Variants in ITGB8 observed in about 807,000 individuals in gnomAD.
ITGB8 encodes integrin subunit beta 8, also known as integrin beta-8.
Under a neutral mutation model 89.5 loss-of-function variants are expected in ITGB8, and 30 were observed. The ratio of observed to expected loss-of-function variants is 0.34; its 90% CI spans 0.25 to 0.45. The LOEUF (loss-of-function observed/expected upper bound fraction) is 0.45, where lower values mean the gene tolerates loss of function less well. Ranked by LOEUF, ITGB8 falls within the 20% of genes least tolerant of loss-of-function variation. The probability of loss-of-function intolerance (pLI) is 1.00; values close to 1 mark genes in which losing one functional copy is unlikely to be tolerated. For missense variants in ITGB8, 836 were observed against 933.3 expected (o/e 0.90, Z 1.36); for synonymous variants, 335 against 320.4 (o/e 1.05, Z -0.49).
chr7:20,368,046 A>G (rs762322513), intron 3 of ITGB8, among the ~76,000 whole-genome samples: 6 of 152,120 alleles, frequency 3.9e-5, no homozygotes, highest in Admixed American at 6.5e-5. Flanking sequence ...TTAAATAACC[A>G]TTCTTGACAC....
At chr7:20,408,919 G>C (rs1356275162) in intron 12 of ITGB8, among the ~76,000 whole-genome samples, 1 of 152,070 alleles carries the variant, frequency 6.6e-6, no homozygotes, top group African/African-American at 2.4e-5. Context: ...TGCATGTTTA[G>C]AGGCAAATGG....
intron 2 of ITGB8, chr7:20,364,780 T>C (rs1233602547): frequency 6.6e-6 from 1 of 152,298 alleles, no homozygotes; most frequent in Non-Finnish European, 1.5e-5. Flanking sequence ...CACTTTATTC[T>C]AGCATCTCCC....
rs1562668579 is a variant in ITGB8 at position 20,363,629 on chromosome 7, CATTG to C, written c.128-7_128-4del. On this transcript the variant is annotated splice_polypyrimidine_tract_variant and splice_region_variant and intron_variant, in intron 1 of 13. Coordinates refer to ENST00000222573, the MANE Select transcript of ITGB8 (RefSeq NM_002214.3). Reference sequence around the variant, plus strand: ...AGTAAATTATAACTGTTTTCTCCTTCATTGCAGAAGACAATAGATGTGCATCTTC... The same window carrying C: ...AGTAAATTATAACTGTTTTCTCCTTCCAGAAGACAATAGATGTGCATCTTC... 1 of 1,540,424 alleles carries C rather than the reference CATTG, an allele frequency of 6.5e-7. No homozygotes were observed. The highest frequency in any genetic ancestry group is 8.8e-7 in the Non-Finnish European group (1 of 1,139,516).
chr7:20,371,305 C>T (rs1785926577), intron 3 of ITGB8, among the ~76,000 whole-genome samples: 2 of 152,024 alleles, frequency 1.3e-5, no homozygotes, highest in South Asian at 2.1e-4. Context: ...GAGTTATAAA[C>T]ATTTTGAAAA....
At chr7:20,391,313 G>T in intron 6 of ITGB8, 90 bp from the exon 7 acceptor site, 1 of 565,766 alleles carries the variant, frequency 1.8e-6, no homozygotes. Context: ...ACATTTTTAT[G>T]TAAGTCATAC....
chr7:20,359,898 C>T (rs1340293563), intron 1 of ITGB8, among the ~76,000 whole-genome samples: 1 of 152,144 alleles, frequency 6.6e-6, no homozygotes, highest in Non-Finnish European at 1.5e-5. Flanking sequence ...AACCATGACA[C>T]TCTCCAGAAA....
Position 20,412,413 on chromosome 7 carries a change from T to C in ITGB8, c.*2416T>C, listed in dbSNP as rs1285051825. 6.6e-6 allele frequency: 1 copy of C among 152,524 alleles called. No individual in the cohort carries two copies. 9.4% of individuals were successfully genotyped at this position (152,524 alleles called of 1,614,324 possible). A position where few individuals can be genotyped will look rare whatever the true frequency, so the allele number is the denominator to read the frequency against. On this transcript the variant is annotated 3_prime_UTR_variant, in exon 14 of 14. Coordinates refer to ENST00000222573, the MANE Select transcript of ITGB8 (RefSeq NM_002214.3). ...CCCTCCAAAAGAAAAAAGTGTAAGA[T>C]AGCCATTAAGATGATGACAATTTTT...
Position 20,401,747 on chromosome 7 carries a change from GA to G in ITGB8, c.1314del (p.Lys438AsnfsTer12). On this transcript the variant is annotated frameshift_variant, in exon 10 of 14. Transcript: ENST00000222573. LOFTEE classifies it high-confidence loss of function. ...EVLFNVTVTM[K>X]KCDVTGGKNY... ...TTCTTTTCAATGTAACAGTTACAATGAAAAAATGTGATGTCACAGGAGGAAA... is the reference window on the plus strand; with the variant it reads ...TTCTTTTCAATGTAACAGTTACAATGAAAAATGTGATGTCACAGGAGGAAA... The G allele has an allele frequency of 6.4e-7, 1 of 1,572,500 alleles. No homozygotes were observed. The highest frequency in any genetic ancestry group is 2.2e-5 in the East Asian group (1 of 44,568).
At chr7:20,353,888 C>T (rs898379937) in intron 1 of ITGB8, among the ~76,000 whole-genome samples, 10 of 132,560 alleles carry the variant, frequency 7.5e-5, no homozygotes, top group Admixed American at 3.4e-4. Flanking sequence ...GCCGAGATCG[C>T]GCCACTGCAC....
chr7:20,350,526 A>G (rs1051443983), intron 1 of ITGB8, among the ~76,000 whole-genome samples: 8 of 152,230 alleles, frequency 5.3e-5, no homozygotes, highest in African/African-American at 1.9e-4. Context: ...AGAACTGTAC[A>G]TGCTATAAAG....
At chr7:20,390,392 A>G (rs1376408873) in intron 6 of ITGB8, among the ~76,000 whole-genome samples, 2 of 152,110 alleles carry the variant, frequency 1.3e-5, no homozygotes, top group African/African-American at 2.4e-5. Context: ...GAGTATTTAT[A>G]GAAAAAATAT....
intron 1 of ITGB8, among the ~76,000 whole-genome samples, chr7:20,335,516 T>A (rs1201889719): frequency 7.1e-6 from 1 of 140,308 alleles, no homozygotes; most frequent in Non-Finnish European, 1.7e-5. Context: ...GTTTCAAGGA[T>A]CTGCCTGCCC....
intron 8 of ITGB8, among the ~76,000 whole-genome samples, chr7:20,396,377 G>A (rs900368649): frequency 4.6e-5 from 7 of 151,478 alleles, no homozygotes; most frequent in Non-Finnish European, 7.4e-5. Context: ...AGCTTGCAAT[G>A]AGCCGAGATT....
rs1178238036 is a variant in ITGB8 at position 20,381,680 on chromosome 7, C to A, written c.802-47C>A. 4.1e-6 allele frequency: 6 copies of A among 1,450,934 alleles called. No individual in the cohort carries two copies. The African/African-American group carries it at 8.5e-5, about 21-fold the overall frequency. 89.9% of individuals were successfully genotyped at this position (1,450,934 alleles called of 1,614,324 possible). On this transcript the variant is annotated intron_variant, in intron 5 of 13. Transcript: ENST00000222573. ...TTTACTTGAGGTAAAAACCACAGTA[C>A]ACATCTGTGTTATTGTACAAAGTCT... is the stretch of plus-strand genomic sequence containing the variant.
chr7:20,352,750 C>T (rs1229303015), intron 1 of ITGB8: 3 of 152,126 alleles, frequency 2.0e-5, no homozygotes, highest in East Asian at 1.9e-4. Flanking sequence ...TCAACAACAC[C>T]AGAATACTCT....
chr7:20,335,518 T>TGCC (rs34880165), intron 1 of ITGB8, among the ~76,000 whole-genome samples: 34,808 of 152,100 alleles, frequency 0.23, 4,964 homozygotes, highest in Non-Finnish European at 0.32. Context: ...TTCAAGGATC[T>TGCC]GCCTGCCCTT....
chr7:20,403,854 G>A (rs192160903), intron 10 of ITGB8, among the ~76,000 whole-genome samples: 3 of 152,254 alleles, frequency 2.0e-5, no homozygotes, highest in Admixed American at 1.3e-4. Flanking sequence ...ATCATCATGT[G>A]AAATGTACCC....
At chr7:20,361,933 A>G (rs1298611166) in intron 1 of ITGB8, among the ~76,000 whole-genome samples, 1 of 152,220 alleles carries the variant, frequency 6.6e-6, no homozygotes, top group African/African-American at 2.4e-5. Context: ...GTTTTGGACA[A>G]TGTATACACA....
chr7:20,393,540 C>T (rs1786949471), intron 7 of ITGB8, among the ~76,000 whole-genome samples: 2 of 152,202 alleles, frequency 1.3e-5, no homozygotes, highest in African/African-American at 4.8e-5. Flanking sequence ...AAAGTTTCAG[C>T]GGTGCCCTCT....
Sources: allele counts gnomAD v4.1 joint callset (sites outside exome capture counted in the v4.1 genomes callset), GRCh38; gene constraint gnomAD v4.1.1; transcripts MANE v1.5; gene names NCBI Gene and HGNC (gene_info 2026-07-23, HGNC 2026-07-21).